ETV6: variants seen among roughly 807,000 people sequenced by gnomAD.
ETV6 encodes the protein ETS variant transcription factor 6, also known as transcription factor ETV6.
A neutral mutation model predicts 51.1 loss-of-function variants in ETV6; 16 were observed. The ratio of observed to expected loss-of-function variants is 0.31; its 90% confidence interval spans 0.21 to 0.48. The LOEUF is 0.48. Among genes scored for constraint, ETV6 ranks in the 20% least tolerant of loss-of-function variants. ETV6 has a pLI of 0.99. For synonymous variants in ETV6, 240 were observed against 224.1 expected (o/e 1.07, Z -0.64); for missense variants, 458 against 594.8 (o/e 0.77, Z 2.39).
At chr12:11,701,971 T>C (rs1864991838) in intron 1 of ETV6, among the ~76,000 whole-genome samples, 1 of 152,152 alleles carries the variant, frequency 6.6e-6, no homozygotes, top group African/African-American at 2.4e-5. Context: ...GCCTGATGTT[T>C]ATAGAAAGTG....
rs533806777 is a variant in ETV6, at chr12:11,885,778, G to A, written c.1153-148G>A. The stretch of plus-strand genomic sequence containing the variant: ...TGGGGACAGATGTGCCTGGAAGGCA[G>A]CCGATTAGCAGGTAGCTTCCCAAAC... On this transcript the variant is annotated intron_variant, in intron 6 of 7. Coordinates refer to ENST00000396373, the MANE Select transcript of ETV6 (RefSeq NM_001987.5). 4 of 601,500 alleles carry A rather than the reference G, an allele frequency of 6.7e-6. No individual in the cohort carries two copies. In the African/African-American group the frequency reaches 7.5e-5, roughly 11 times the overall value. The allele number at this position is 601,500 out of a possible 1,614,324, so 37.3% of individuals were successfully genotyped here. A position where few individuals can be genotyped will look rare whatever the true frequency, so the allele number is the denominator to read the frequency against.
intron 1 of ETV6, chr12:11,716,634 T>C (rs1020560186): frequency 6.6e-6 from 1 of 152,250 alleles, no homozygotes; most frequent in Non-Finnish European, 1.5e-5. Flanking sequence ...GAGCTGCAGC[T>C]GGACTGCCTT....
At chr12:11,732,140 T>C (rs956952640) in intron 1 of ETV6, among the ~76,000 whole-genome samples, 4 of 152,308 alleles carry the variant, frequency 2.6e-5, no homozygotes, top group African/African-American at 9.6e-5. Context: ...TGCAAATCTT[T>C]AGCATCACCT....
At chr12:11,660,124 C>G (rs1368863196) in intron 1 of ETV6, among the ~76,000 whole-genome samples, 1 of 152,152 alleles carries the variant, frequency 6.6e-6, no homozygotes, top group Non-Finnish European at 1.5e-5. Flanking sequence ...CTGATCTGAT[C>G]ATTACACATC....
At chr12:11,861,568 G>T (rs1326738923) in intron 4 of ETV6, among the ~76,000 whole-genome samples, 1 of 152,162 alleles carries the variant, frequency 6.6e-6, no homozygotes. Flanking sequence ...TAGCCCTAGG[G>T]CTAGCGTGCT....
intron 1 of ETV6, among the ~76,000 whole-genome samples, chr12:11,738,329 A>T (rs28512424): frequency 0.03 from 2,234 of 74,630 alleles, 98 homozygotes; most frequent in African/African-American, 0.2. Flanking sequence ...TTTTTTTTTT[A>T]AATTTGAGAC....
chr12:11,717,739 T>A (rs557972915), intron 1 of ETV6, among the ~76,000 whole-genome samples: 22 of 152,322 alleles, frequency 1.4e-4, no homozygotes, highest in Middle Eastern at 3.4e-3. Context: ...CCGTGGGACA[T>A]TTTTCCTATA....
At chr12:11,882,394 G>A (rs907239644) in intron 5 of ETV6, among the ~76,000 whole-genome samples, 1 of 152,196 alleles carries the variant, frequency 6.6e-6, no homozygotes, top group Non-Finnish European at 1.5e-5. Flanking sequence ...ATTGGGAAGT[G>A]TGTCATAGCA....
intron 5 of ETV6, among the ~76,000 whole-genome samples, chr12:11,870,610 T>C (rs1946867139): frequency 6.6e-6 from 1 of 152,240 alleles, no homozygotes; most frequent in Non-Finnish European, 1.5e-5. Context: ...ATAATTTACA[T>C]GAACTCATTC....
intron 1 of ETV6, among the ~76,000 whole-genome samples, chr12:11,749,288 TACACACACACACAC>T (rs761925697): frequency 0.024 from 2,926 of 122,884 alleles, 41 homozygotes; most frequent in Middle Eastern, 0.048. Context: ...ATCCCCCCCA[TACACACACACACAC>T]ACACACACAC....
chr12:11,750,901 A>G (rs1485870956), intron 1 of ETV6: 1 of 474,286 alleles, frequency 2.1e-6, no homozygotes, highest in Non-Finnish European at 4.1e-6. Flanking sequence ...GATGCCTGCT[A>G]AAGTTCAAGA....
At chr12:11,773,098 G>A (rs574133037) in intron 2 of ETV6, among the ~76,000 whole-genome samples, 4 of 151,642 alleles carry the variant, frequency 2.6e-5, no homozygotes, top group Admixed American at 2.0e-4. Context: ...GGAGGCTGAG[G>A]CAGGAGAATG....
intron 1 of ETV6, among the ~76,000 whole-genome samples, chr12:11,688,148 C>T (rs774780550): frequency 1.3e-5 from 2 of 152,120 alleles, no homozygotes; most frequent in Non-Finnish European, 2.9e-5. Context: ...GTCTTAGCCA[C>T]GTCAGGGTGG....
In ETV6 at chr12:11,711,695, C is replaced by G. The variant is rs577919439; in HGVS notation, c.34-40755C>G. 2.6e-5 allele frequency among the ~76,000 whole-genome samples: 4 copies of G among 152,226 alleles called. No homozygotes were observed. The South Asian group carries it at 8.3e-4, about 32-fold the overall frequency. ...GTCAGTTAAACAAGGGAGCAATGGC[C>G]CCTGGGTCCTGTTAGGGACATACTC... On this transcript the variant is annotated intron_variant, in intron 1 of 7. Coordinates refer to ENST00000396373, the MANE Select transcript of ETV6 (RefSeq NM_001987.5).
chr12:11,650,689 A>T (rs1251410783), intron 1 of ETV6, among the ~76,000 whole-genome samples: 1 of 152,034 alleles, frequency 6.6e-6, no homozygotes, highest in African/African-American at 2.4e-5. Flanking sequence ...GTCTGATTGT[A>T]ATTGCAAGCG....
rs1177873578 is a variant in ETV6, at chr12:11,893,891, T to G, written c.*2845T>G. 5.4e-6 allele frequency: 1 copy of G among 185,688 alleles called. No individual in the cohort carries two copies. The highest frequency in any genetic ancestry group is 2.5e-5 in the African/African-American group (1 of 40,330). The allele number at this position is 185,688 out of a possible 1,614,324, so 11.5% of individuals were successfully genotyped here. A position where few individuals can be genotyped will look rare whatever the true frequency, so the allele number is the denominator to read the frequency against. On this transcript the variant is annotated 3_prime_UTR_variant, in exon 8 of 8. Transcript: ENST00000396373. ...ATTCCAGGATACAAAAAAAAACATT[T>G]AAAAATCCGAGACCCAGAACACTTC...
intron 2 of ETV6, among the ~76,000 whole-genome samples, chr12:11,770,708 A>C (rs950148860): frequency 6.6e-6 from 1 of 152,224 alleles, no homozygotes; most frequent in African/African-American, 2.4e-5. Flanking sequence ...TGCTTGAGAA[A>C]GAATGCCTTT....
intron 2 of ETV6, among the ~76,000 whole-genome samples, chr12:11,785,371 T>C (rs535455861): frequency 3.9e-5 from 6 of 152,296 alleles, no homozygotes; most frequent in African/African-American, 1.4e-4. Flanking sequence ...GTATACCCTT[T>C]CCATGACATT....
At chr12:11,877,672 G>A (rs530052468) in intron 5 of ETV6, among the ~76,000 whole-genome samples, 3 of 152,092 alleles carry the variant, frequency 2.0e-5, no homozygotes, top group Non-Finnish European at 2.9e-5. Flanking sequence ...AGATGGCCCC[G>A]AACAGTCCTA....
Sources: allele counts gnomAD v4.1 joint callset (sites outside exome capture counted in the v4.1 genomes callset), GRCh38; gene constraint gnomAD v4.1.1; transcripts MANE v1.5; gene names NCBI Gene and HGNC (gene_info 2026-07-23, HGNC 2026-07-21).